Variants in TCF7L2 observed in about 807,000 individuals in gnomAD.
The protein encoded by TCF7L2 is transcription factor 7-like 2.
Under a neutral mutation model 77.9 loss-of-function variants are expected in TCF7L2, and 23 were observed. The ratio of observed to expected loss-of-function variants is 0.30; its 90% CI spans 0.21 to 0.42. The LOEUF (loss-of-function observed/expected upper bound fraction) is 0.42. Ranked by LOEUF, TCF7L2 falls within the 10% of genes least tolerant of loss-of-function variation. TCF7L2 has a pLI of 1.00. For synonymous variants in TCF7L2, 413 were observed against 340.2 expected, an observed-to-expected ratio of 1.21 and a Z score of -2.36; for missense variants, 654 against 793.1, an observed-to-expected ratio of 0.82 and a Z score of 2.11.
intron 5 of TCF7L2, among the ~76,000 whole-genome samples, chr10:113,097,735 T>C (rs866690135): frequency 6.7e-6 from 1 of 149,284 alleles, no homozygotes; most frequent in East Asian, 2.0e-4. Flanking sequence ...GGATTTCTTA[T>C]GGCATCTTTT....
intron 5 of TCF7L2, among the ~76,000 whole-genome samples, chr10:113,119,156 G>T (rs905445591): frequency 6.6e-6 from 1 of 152,146 alleles, no homozygotes. Flanking sequence ...GGACCGCTGC[G>T]AATTCGTGTG....
chr10:113,036,934 C>T lies in TCF7L2; in HGVS notation c.451-3091C>T, dbSNP rs569376592. Reference sequence around the variant, plus strand: ...AAACTAAGTCAGATGGTTGGGAAAACGTGGCACAGGGTTCCAGCCCTTTTG... The same window carrying T: ...AAACTAAGTCAGATGGTTGGGAAAATGTGGCACAGGGTTCCAGCCCTTTTG... On this transcript the variant is annotated intron_variant, in intron 4 of 13. Coordinates refer to ENST00000627217, the MANE Select transcript of TCF7L2 (RefSeq NM_001146274.2). Among the ~76,000 whole-genome samples the T allele has an allele frequency of 1.2e-4, 18 of 152,068 alleles. No individual in the cohort carries two copies. In the South Asian group the frequency reaches 2.7e-3, roughly 23 times the overall value.
intron 4 of TCF7L2, among the ~76,000 whole-genome samples, chr10:113,021,698 A>T (rs1233138645): frequency 6.6e-6 from 1 of 152,186 alleles, no homozygotes; most frequent in Non-Finnish European, 1.5e-5. Flanking sequence ...AATTGGTCTG[A>T]CTTCCCACTC....
At chr10:112,951,694 C>G (rs2134213267) in intron 3 of TCF7L2, 87 bp downstream of exon 3, 1 of 708,602 alleles carries the variant, frequency 1.4e-6, no homozygotes. Context: ...GCCCTGCCCC[C>G]TCCCCGCCTC....
intron 5 of TCF7L2, among the ~76,000 whole-genome samples, chr10:113,064,300 G>T (rs1461482160): frequency 6.6e-6 from 1 of 152,240 alleles, no homozygotes; most frequent in Non-Finnish European, 1.5e-5. Context: ...GTATTTACCA[G>T]CTGGTTCCGT....
In TCF7L2 at chr10:113,165,825, G is replaced by A. The variant is rs756746261; in HGVS notation, c.1662G>A (p.Gly554=). ...AGGCCTCCGCCCTCTGTCCCAACGG[G>A]GCCCTGGACCTGCCCCCAGCCGCTT... is the stretch of plus-strand genomic sequence containing the variant. Residue 554 remains glycine, a synonymous_variant, in exon 14 of 14, where the codon GGG becomes GGA. Transcript: ENST00000627217. The A allele has an allele frequency of 3.1e-6, 5 of 1,606,036 alleles. No homozygotes were observed. The highest frequency in any genetic ancestry group is 3.4e-5 in the Admixed American group (2 of 59,146).
intron 5 of TCF7L2, among the ~76,000 whole-genome samples, chr10:113,127,312 C>G (rs1174423546): frequency 6.6e-6 from 1 of 151,636 alleles, no homozygotes; most frequent in Non-Finnish European, 1.5e-5. Flanking sequence ...CCCTCCTCCC[C>G]ATCCCCAAAT....
rs191262784 is a variant in TCF7L2 at position 113,107,820 on chromosome 10, T to C, written c.553-33364T>C. On this transcript the variant is annotated intron_variant, in intron 5 of 13. Transcript: ENST00000627217. ...ACATCACTTGCAATTAGGGAAATAATGCTTTTGGGTCCTGTGAAATAATGG... is the reference window on the plus strand; with the variant it reads ...ACATCACTTGCAATTAGGGAAATAACGCTTTTGGGTCCTGTGAAATAATGG... 2.6e-4 allele frequency among the ~76,000 whole-genome samples: 37 copies of C among 140,072 alleles called. 3 individuals carry two copies. In the East Asian group the frequency reaches 2.7e-3, roughly 10 times the overall value. 91.9% of individuals were successfully genotyped at this position (140,072 alleles called of 152,430 possible). A position where few individuals can be genotyped will look rare whatever the true frequency, so the allele number is the denominator to read the frequency against.
intron 3 of TCF7L2, among the ~76,000 whole-genome samples, chr10:112,959,054 T>C (rs1180977468): frequency 6.6e-6 from 1 of 152,220 alleles, no homozygotes. Flanking sequence ...CACTTTATTT[T>C]TTCCCCCAGA....
chr10:113,091,836 A>T (rs2060441185), intron 5 of TCF7L2, among the ~76,000 whole-genome samples: 1 of 152,192 alleles, frequency 6.6e-6, no homozygotes. Flanking sequence ...CTGTGTGTTT[A>T]AGGAGCATTC....
intron 5 of TCF7L2, among the ~76,000 whole-genome samples, chr10:113,119,002 G>A (rs1165076790): frequency 6.6e-6 from 1 of 152,140 alleles, no homozygotes; most frequent in Non-Finnish European, 1.5e-5. Context: ...GCTGTCATTC[G>A]TTCCTTCCTA....
chr10:112,968,030 A>G (rs1342491351), intron 4 of TCF7L2, among the ~76,000 whole-genome samples: 2 of 152,258 alleles, frequency 1.3e-5, no homozygotes, highest in Non-Finnish European at 2.9e-5. Context: ...AACATAGTAC[A>G]CAGAACTTTA....
rs138688666 is a variant in TCF7L2 at position 113,063,797 on chromosome 10, T to C, written c.552+23671T>C. On this transcript the variant is annotated intron_variant, in intron 5 of 13. Transcript: ENST00000627217. The stretch of plus-strand genomic sequence containing the variant: ...AGAGTTCTTTAGGAAAAGGGGAAGG[T>C]CCCGAGAGATCTGGTAAATGTTAAA... 2.0e-3 allele frequency among the ~76,000 whole-genome samples: 302 copies of C among 152,000 alleles called. 3 individuals carry two copies. The highest frequency in any genetic ancestry group is 6.4e-3 in the African/African-American group (266 of 41,460).
intron 4 of TCF7L2, among the ~76,000 whole-genome samples, chr10:113,018,197 C>T (rs879560841): frequency 6.6e-6 from 1 of 152,158 alleles, no homozygotes; most frequent in Admixed American, 6.5e-5. Context: ...TTGACCAGTG[C>T]CTGCACATAA....
chr10:112,969,941 C>G (rs1413985625), intron 4 of TCF7L2, among the ~76,000 whole-genome samples: 1 of 152,204 alleles, frequency 6.6e-6, no homozygotes, highest in Non-Finnish European at 1.5e-5. Context: ...TATTCCAAAC[C>G]TATGAGCACT....
intron 5 of TCF7L2, among the ~76,000 whole-genome samples, chr10:113,082,158 G>T (rs1260744802): frequency 6.7e-6 from 1 of 149,286 alleles, no homozygotes; most frequent in African/African-American, 2.5e-5. Context: ...GCGTGCCTTG[G>T]TTAATATCTC....
Position 113,047,415 on chromosome 10 carries a change from C to A in TCF7L2, c.552+7289C>A, listed in dbSNP as rs1316353556. 6.6e-5 allele frequency among the ~76,000 whole-genome samples: 10 copies of A among 152,102 alleles called. No homozygotes were observed. The East Asian group carries it at 1.9e-3, about 29-fold the overall frequency. The stretch of plus-strand genomic sequence containing the variant: ...CTCCACCCCGCCCTAGAACAGAGAC[C>A]CAGCCCATCCAAGTCAGCCTCCCCA... On this transcript the variant is annotated intron_variant, in intron 5 of 13. Coordinates refer to ENST00000627217, the MANE Select transcript of TCF7L2 (RefSeq NM_001146274.2).
intron 5 of TCF7L2, among the ~76,000 whole-genome samples, chr10:113,065,789 A>C (rs1173018039): frequency 6.6e-6 from 1 of 152,196 alleles, no homozygotes; most frequent in Non-Finnish European, 1.5e-5. Context: ...GTAGTTAGGA[A>C]AAAGATGTTG....
intron 4 of TCF7L2, among the ~76,000 whole-genome samples, chr10:113,020,569 T>G (rs2048118538): frequency 6.6e-6 from 1 of 152,252 alleles, no homozygotes; most frequent in Non-Finnish European, 1.5e-5. Flanking sequence ...AATTCCTGGT[T>G]GCAAAGAGGC....
Sources: allele counts gnomAD v4.1 joint callset (sites outside exome capture counted in the v4.1 genomes callset), GRCh38; gene constraint gnomAD v4.1.1; transcripts MANE v1.5; gene names NCBI Gene and HGNC (gene_info 2026-07-23, HGNC 2026-07-21).